NCK1: variants seen among roughly 807,000 people sequenced by gnomAD.
The protein encoded by NCK1 is NCK adaptor protein 1, also known as SH2/SH3 adapter protein NCK1.
Under a neutral mutation model 36.6 loss-of-function variants are expected in NCK1, and 19 were observed. The observed-to-expected ratio is 0.52, with a 90% CI of 0.36 to 0.76. NCK1 has a LOEUF of 0.76. Among genes scored for constraint, NCK1 ranks in the 30% least tolerant of loss-of-function variants. NCK1 has a pLI of 0.00. For missense variants in NCK1, 358 were observed against 445.6 expected, an observed-to-expected ratio of 0.80 and a Z score of 1.77; for synonymous variants, 165 against 156.0, an observed-to-expected ratio of 1.06 and a Z score of -0.43.
chr3:136,926,683 TC>T (rs1165084499), intron 1 of NCK1, among the ~76,000 whole-genome samples: 1 of 152,248 alleles, frequency 6.6e-6, no homozygotes, highest in Non-Finnish European at 1.5e-5. Context: ...ATTATTTACT[TC>T]TAAGTATTTT....
intron 1 of NCK1, among the ~76,000 whole-genome samples, chr3:136,925,349 T>C (rs1455816724): frequency 6.6e-6 from 1 of 152,226 alleles, no homozygotes; most frequent in Non-Finnish European, 1.5e-5. Flanking sequence ...CTTTTTATTT[T>C]GAGATCATTA....
intron 1 of NCK1, among the ~76,000 whole-genome samples, chr3:136,914,854 T>G (rs951033471): frequency 1.2e-4 from 19 of 152,284 alleles, no homozygotes; most frequent in Admixed American, 1.2e-3. Context: ...TGGGAGTGGA[T>G]CCCTCATAAT....
chr3:136,872,504 A>G (rs1002994609), intron 1 of NCK1, among the ~76,000 whole-genome samples: 6 of 152,234 alleles, frequency 3.9e-5, no homozygotes, highest in African/African-American at 1.4e-4. Flanking sequence ...TGACAGCGTG[A>G]TAGAAAAGAA....
At position 136,862,760 on chromosome 3, in the gene NCK1, G is replaced by A. The variant is rs111530852; in HGVS notation, c.-19+407G>A. ...AATCCGAGGCCGGGAAGGTAGGGAC[G>A]TGGTAGGAGGAAGGGCGCTCTCACC... On this transcript the variant is annotated intron_variant, in intron 1 of 3. Transcript: ENST00000481752. 3.0e-3 allele frequency among the ~76,000 whole-genome samples: 456 copies of A among 152,360 alleles called. 1 individual carries two copies. Among genetic ancestry groups the A allele is most frequent in the African/African-American group, 9.6e-3 (398 of 41,592 alleles).
intron 1 of NCK1, among the ~76,000 whole-genome samples, chr3:136,887,141 G>T (rs999124981): frequency 6.6e-6 from 1 of 152,116 alleles, no homozygotes; most frequent in Non-Finnish European, 1.5e-5. Flanking sequence ...ACTGCACCCA[G>T]CCCCTATCTT....
At chr3:136,869,822 C>G (rs1938554446) in intron 1 of NCK1, among the ~76,000 whole-genome samples, 2 of 151,776 alleles carry the variant, frequency 1.3e-5, no homozygotes, top group South Asian at 4.2e-4. Flanking sequence ...TTAATAGTTG[C>G]TTTTTCTATT....
At chr3:136,889,960 T>C (rs1010411213) in intron 1 of NCK1, among the ~76,000 whole-genome samples, 1 of 152,140 alleles carries the variant, frequency 6.6e-6, no homozygotes, top group African/African-American at 2.4e-5. Flanking sequence ...CGCACAGGGG[T>C]TGCAGGTGGA....
At chr3:136,874,307 G>A (rs1251708885) in intron 1 of NCK1, among the ~76,000 whole-genome samples, 2 of 151,988 alleles carry the variant, frequency 1.3e-5, no homozygotes. Flanking sequence ...TCCCAAGTAG[G>A]TGAGATTACA....
chr3:136,931,575 A>AT (rs1278002358), intron 2 of NCK1, among the ~76,000 whole-genome samples: 1 of 151,458 alleles, frequency 6.6e-6, no homozygotes, highest in Non-Finnish European at 1.5e-5. Context: ...TGCATTTTTC[A>AT]TTTTTTGGGT....
At chr3:136,880,754 G>A (rs1938910805) in intron 1 of NCK1, among the ~76,000 whole-genome samples, 1 of 152,084 alleles carries the variant, frequency 6.6e-6, no homozygotes, top group South Asian at 2.1e-4. Context: ...ACCTAGGTGT[G>A]TGTGCCACCA....
At chr3:136,947,352 G>T (rs1209337962) in intron 3 of NCK1, among the ~76,000 whole-genome samples, 1 of 152,060 alleles carries the variant, frequency 6.6e-6, no homozygotes, top group East Asian at 1.9e-4. Context: ...TAATTAAAAA[G>T]AAGATAGCTT....
chr3:136,898,729 C>A (rs571450393), intron 1 of NCK1, among the ~76,000 whole-genome samples: 2 of 152,234 alleles, frequency 1.3e-5, no homozygotes, highest in South Asian at 4.1e-4. Context: ...GAACGGTTAA[C>A]GTTAAGGTGC....
chr3:136,884,718 C>CT (rs72234296), intron 1 of NCK1, among the ~76,000 whole-genome samples: 111,126 of 145,020 alleles, frequency 0.77, 42,533 homozygotes, highest in East Asian at 0.92. Context: ...CATGCCTGAG[C>CT]TTTTTTTTTT....
intron 1 of NCK1, among the ~76,000 whole-genome samples, chr3:136,885,705 T>G (rs1008144637): frequency 6.6e-6 from 1 of 152,220 alleles, no homozygotes; most frequent in African/African-American, 2.4e-5. Context: ...GTATTAAAAC[T>G]ACTTAGCATA....
intron 2 of NCK1, among the ~76,000 whole-genome samples, chr3:136,933,229 T>A (rs557410547): frequency 6.6e-6 from 1 of 152,184 alleles, no homozygotes; most frequent in Non-Finnish European, 1.5e-5. Flanking sequence ...TGCTCCCTTA[T>A]GTGTGTGTTG....
At chr3:136,887,359 GA>G (rs1939101592) in intron 1 of NCK1, among the ~76,000 whole-genome samples, 1 of 152,128 alleles carries the variant, frequency 6.6e-6, no homozygotes, top group Non-Finnish European at 1.5e-5. Context: ...ACATAAAATG[GA>G]AAAGTTACTG....
chr3:136,916,884 A>G (rs890177143), intron 1 of NCK1, among the ~76,000 whole-genome samples: 3 of 152,172 alleles, frequency 2.0e-5, no homozygotes, highest in African/African-American at 7.2e-5. Flanking sequence ...ACAGGCCCTG[A>G]GTGATCACTA....
intron 1 of NCK1, among the ~76,000 whole-genome samples, chr3:136,884,552 T>C (rs1939025793): frequency 6.6e-6 from 1 of 152,112 alleles, no homozygotes; most frequent in African/African-American, 2.4e-5. Context: ...GCGATTCTTG[T>C]GCCTCAGCCT....
intron 1 of NCK1, among the ~76,000 whole-genome samples, chr3:136,867,765 T>C (rs1445537282): frequency 6.6e-6 from 1 of 152,184 alleles, no homozygotes; most frequent in Non-Finnish European, 1.5e-5. Flanking sequence ...ACCCTTGATC[T>C]TCTGACGCAA....
Sources: allele counts gnomAD v4.1 joint callset (sites outside exome capture counted in the v4.1 genomes callset), GRCh38; gene constraint gnomAD v4.1.1; transcripts MANE v1.5; gene names NCBI Gene and HGNC (gene_info 2026-07-23, HGNC 2026-07-21).